ATP13A4: variants seen among roughly 807,000 people sequenced by gnomAD.
ATP13A4 encodes probable cation-transporting ATPase 13A4.
Under a neutral mutation model 142.5 loss-of-function variants are expected in ATP13A4, and 114 were observed. The observed-to-expected ratio is 0.80, with a 90% CI of 0.69 to 0.93. The LOEUF (loss-of-function observed/expected upper bound fraction) is 0.93, where lower values mean the gene tolerates loss of function less well. ATP13A4 is among the 40% of genes least tolerant of loss of function. ATP13A4 has a pLI of 0.00. For missense variants in ATP13A4, 1,392 were observed against 1,454.0 expected, an observed-to-expected ratio of 0.96 and a Z score of 0.69; for synonymous variants, 488 against 514.8, an observed-to-expected ratio of 0.95 and a Z score of 0.70.
rs1050387928 is a variant in ATP13A4 at position 193,464,961 on chromosome 3, T to C, written c.1440A>G (p.Leu480=). ...SPQRINVCGQ[L]NLVCFDKTGT... is the part of the protein sequence containing the mutation. ...ATACCTTGTCAAAGCAGACAAGGTT[T>C]AACTGTCCACATACGTTGATCCTCT... is the stretch of plus-strand genomic sequence containing the variant. Residue 480 remains leucine, a synonymous_variant, in exon 12 of 30, where the codon TTA becomes TTG. Transcript: ENST00000342695. The C allele has an allele frequency of 1.9e-6, 3 of 1,614,002 alleles. No individual in the cohort carries two copies. The highest frequency in any genetic ancestry group is 1.3e-5 in the African/African-American group (1 of 74,926).
chr3:193,554,633 CTGTG>C (rs1037218476), intron 1 of ATP13A4, 103 bp downstream of exon 1: 5 of 1,386,672 alleles, frequency 3.6e-6, no homozygotes, highest in South Asian at 2.3e-5. Context: ...TTAGAAAAGT[CTGTG>C]TGTGTGTGAT....
chr3:193,503,603 T>C (rs1293704232), intron 2 of ATP13A4, among the ~76,000 whole-genome samples: 2 of 152,194 alleles, frequency 1.3e-5, no homozygotes, highest in Non-Finnish European at 2.9e-5. Context: ...ATTTTTGCTA[T>C]GAAGAGTGCC....
chr3:193,411,157 C>G (rs978036976), intron 27 of ATP13A4, 87 bp from the exon 28 acceptor site: 1 of 906,374 alleles, frequency 1.1e-6, no homozygotes, highest in East Asian at 2.4e-5. Context: ...TAGATTAACA[C>G]TGATTTAATT....
chr3:193,438,618 G>A lies in ATP13A4; in HGVS notation c.2563-34C>T, dbSNP rs746459181. 5 of 1,552,064 alleles carry A rather than the reference G, an allele frequency of 3.2e-6. No individual in the cohort carries two copies. The Admixed American group carries it at 8.3e-5, about 26-fold the overall frequency. On this transcript the variant is annotated intron_variant, in intron 22 of 29. Transcript: ENST00000342695. ...AAAGAATCAGCTTACTCCTCACATA[G>A]ACTCACGTACGTCTCTACTAAAGCC...
At chr3:193,441,678 G>T in intron 19 of ATP13A4, 90 bp from the exon 20 acceptor site, 1 of 1,469,876 alleles carries the variant, frequency 6.8e-7, no homozygotes, top group Non-Finnish European at 9.4e-7. Flanking sequence ...AATGAAGACA[G>T]ACCAGGATCT....
chr3:193,510,787 C>T (rs571264145), intron 2 of ATP13A4, among the ~76,000 whole-genome samples: 7 of 151,700 alleles, frequency 4.6e-5, no homozygotes, highest in Non-Finnish European at 1.0e-4. Flanking sequence ...TGTAATCTTA[C>T]CAGCGTGAGA....
chr3:193,489,905 T>C lies in ATP13A4; in HGVS notation c.604-41A>G, dbSNP rs1719853222. ...AAAACAGGAAGACAAGGGAGAGTTT[T>C]AGGCTTCACTCTGCTCTTCATTTAC... On this transcript the variant is annotated intron_variant, in intron 6 of 29. Coordinates refer to ENST00000342695, the MANE Select transcript of ATP13A4 (RefSeq NM_032279.4). The C allele has an allele frequency of 2.5e-6, 4 of 1,594,928 alleles. No individual in the cohort carries two copies. The African/African-American group carries it at 5.4e-5, about 21-fold the overall frequency.
At chr3:193,456,174 T>C (rs1474240886) in intron 16 of ATP13A4, among the ~76,000 whole-genome samples, 1 of 152,138 alleles carries the variant, frequency 6.6e-6, no homozygotes, top group East Asian at 1.9e-4. Flanking sequence ...ACTTAAAATA[T>C]AGGTTAAAAA....
At position 193,582,947 on chromosome 3, in the gene ATP13A4, T is replaced by C. The variant is rs1724595925; in HGVS notation, n.92-1041A>G. Among the ~76,000 whole-genome samples the C allele has an allele frequency of 2.6e-5, 2 of 75,684 alleles. 1 individual carries two copies. The allele number at this position is 75,684 out of a possible 152,430, so 49.7% of individuals were successfully genotyped here. A position where few individuals can be genotyped will look rare whatever the true frequency, so the allele number is the denominator to read the frequency against. On this transcript the variant is annotated intron_variant and non_coding_transcript_variant, in intron 1 of 3. Transcript: ENST00000489140. ...GTATATTACATATATAAAATATATA[T>C]GTATATTACATATATATAAAATATA... is the stretch of plus-strand genomic sequence containing the variant.
chr3:193,405,214 C>G (rs1277969024), intron 29 of ATP13A4, among the ~76,000 whole-genome samples: 1 of 152,164 alleles, frequency 6.6e-6, no homozygotes, highest in Non-Finnish European at 1.5e-5. Flanking sequence ...GAACTTCCTG[C>G]TAGAGGATTA....
intron 25 of ATP13A4, among the ~76,000 whole-genome samples, chr3:193,417,275 G>A (rs1034718725): frequency 2.0e-5 from 3 of 152,122 alleles, no homozygotes; most frequent in Admixed American, 6.5e-5. Context: ...AAACACTTAC[G>A]TAGAAATAAT....
chr3:193,557,515 C>T (rs1034200948), upstream of ATP13A4, among the ~76,000 whole-genome samples: 1 of 152,234 alleles, frequency 6.6e-6, no homozygotes, highest in Non-Finnish European at 1.5e-5. Flanking sequence ...CTGTTGCACA[C>T]AATCCTGACA....
At chr3:193,471,357 G>A (rs1718612586) in intron 8 of ATP13A4, among the ~76,000 whole-genome samples, 1 of 152,084 alleles carries the variant, frequency 6.6e-6, no homozygotes, top group African/African-American at 2.4e-5. Flanking sequence ...GAGCCTAGCT[G>A]TTTGAGACCA....
chr3:193,443,253 C>T (rs1157950572), intron 18 of ATP13A4, among the ~76,000 whole-genome samples: 2 of 152,126 alleles, frequency 1.3e-5, no homozygotes, highest in South Asian at 2.1e-4. Flanking sequence ...GACACAGGGA[C>T]TAATTCAGTA....
At chr3:193,549,066 G>T (rs1463676636) in intron 1 of ATP13A4, among the ~76,000 whole-genome samples, 1 of 152,156 alleles carries the variant, frequency 6.6e-6, no homozygotes, top group African/African-American at 2.4e-5. Flanking sequence ...TAAAAAGACT[G>T]ATAATTTTCA....
intron 25 of ATP13A4, among the ~76,000 whole-genome samples, chr3:193,419,498 G>T (rs780095387): frequency 1.3e-5 from 2 of 150,014 alleles, no homozygotes; most frequent in Non-Finnish European, 2.9e-5. Flanking sequence ...CTGAGTTGAA[G>T]TAGTGCCCTG....
chr3:193,435,369 T>C (rs1716206736), intron 24 of ATP13A4, among the ~76,000 whole-genome samples: 1 of 152,176 alleles, frequency 6.6e-6, no homozygotes, highest in African/African-American at 2.4e-5. Flanking sequence ...GATAAAGACC[T>C]TGTCCAATCA....
At chr3:193,558,513 A>G (rs947549537), upstream of ATP13A4, among the ~76,000 whole-genome samples, 6 of 152,216 alleles carry the variant, frequency 3.9e-5, no homozygotes, top group African/African-American at 1.4e-4. Context: ...TGCCCCAGAA[A>G]AGTTAAGTCC....
intron 1 of ATP13A4, among the ~76,000 whole-genome samples, chr3:193,591,567 A>G (rs1056959185): frequency 6.6e-6 from 1 of 152,266 alleles, no homozygotes; most frequent in East Asian, 1.9e-4. Context: ...GTTCCTATAC[A>G]TGGACATTTA....
Sources: allele counts gnomAD v4.1 joint callset (sites outside exome capture counted in the v4.1 genomes callset), GRCh38; gene constraint gnomAD v4.1.1; transcripts MANE v1.5; gene names NCBI Gene and HGNC (gene_info 2026-07-23, HGNC 2026-07-21).